Variants in SLC39A11 observed in about 807,000 individuals in gnomAD.
SLC39A11 encodes zinc transporter ZIP11.
A neutral mutation model predicts 36.1 loss-of-function variants in SLC39A11; 33 were observed. That is an observed-to-expected ratio of 0.91 (90% CI 0.69 to 1.22). The LOEUF is 1.22. SLC39A11 is among the 50% of genes most tolerant of loss of function. The probability of loss-of-function intolerance (pLI) is 0.00; values close to 1 mark genes in which losing one functional copy is unlikely to be tolerated. For synonymous variants in SLC39A11, 166 were observed against 170.3 expected, an observed-to-expected ratio of 0.97 and a Z score of 0.20; for missense variants, 432 against 430.3, an observed-to-expected ratio of 1.00 and a Z score of -0.03.
At chr17:72,830,252 T>G (rs1027205190) in intron 6 of SLC39A11, among the ~76,000 whole-genome samples, 2 of 152,150 alleles carry the variant, frequency 1.3e-5, no homozygotes, top group African/African-American at 4.8e-5. Flanking sequence ...CCAATTCTTC[T>G]GTCCACTGAT....
chr17:72,856,587 T>TA (rs1308477016), intron 5 of SLC39A11, among the ~76,000 whole-genome samples: 6 of 152,020 alleles, frequency 3.9e-5, no homozygotes, highest in East Asian at 3.8e-4. Flanking sequence ...TATAGGGCTT[T>TA]AAAAAAAAGT....
At chr17:72,954,364 G>A (rs2086093499) in intron 4 of SLC39A11, among the ~76,000 whole-genome samples, 3 of 152,226 alleles carry the variant, frequency 2.0e-5, no homozygotes, top group African/African-American at 7.2e-5. Flanking sequence ...CCAAGGTCAG[G>A]GGACTAATTG....
At chr17:73,083,058 A>G (rs1223654535) in intron 3 of SLC39A11, among the ~76,000 whole-genome samples, 2 of 149,414 alleles carry the variant, frequency 1.3e-5, no homozygotes, top group South Asian at 2.1e-4. Context: ...CAGTGATTAG[A>G]GACAAGGCCC....
chr17:73,028,388 T>C (rs996958965), intron 4 of SLC39A11, among the ~76,000 whole-genome samples: 16 of 152,196 alleles, frequency 1.1e-4, no homozygotes, highest in Admixed American at 5.2e-4. Flanking sequence ...TTTTCAGGTC[T>C]GGTGAGCAAA....
At chr17:72,961,654 C>G (rs563193898) in intron 4 of SLC39A11, among the ~76,000 whole-genome samples, 40 of 152,000 alleles carry the variant, frequency 2.6e-4, no homozygotes, top group Middle Eastern at 3.4e-3. Flanking sequence ...AACCAAACAC[C>G]GCATGTTCTC....
chr17:72,830,638 C>T (rs1352566526), intron 6 of SLC39A11, among the ~76,000 whole-genome samples: 1 of 152,106 alleles, frequency 6.6e-6, no homozygotes, highest in African/African-American at 2.4e-5. Context: ...TACCAGGAGG[C>T]AAAACCCAGT....
intron 7 of SLC39A11, among the ~76,000 whole-genome samples, chr17:72,690,513 T>C (rs1324503082): frequency 1.3e-5 from 2 of 152,214 alleles, no homozygotes; most frequent in Non-Finnish European, 2.9e-5. Context: ...TACACACATG[T>C]GCATGGCAGC....
intron 5 of SLC39A11, among the ~76,000 whole-genome samples, chr17:72,850,581 T>C (rs887957262): frequency 7.2e-5 from 11 of 152,098 alleles, no homozygotes; most frequent in African/African-American, 2.4e-4. Flanking sequence ...CAATGTTGAG[T>C]CATGATTAGA....
intron 7 of SLC39A11, among the ~76,000 whole-genome samples, chr17:72,721,582 A>T (rs1248387127): frequency 6.6e-6 from 1 of 152,130 alleles, no homozygotes; most frequent in Non-Finnish European, 1.5e-5. Flanking sequence ...CATAACACTC[A>T]TCATTACTGT....
At chr17:72,934,698 T>C (rs2084637037) in intron 5 of SLC39A11, among the ~76,000 whole-genome samples, 1 of 151,948 alleles carries the variant, frequency 6.6e-6, no homozygotes, top group Admixed American at 6.6e-5. Flanking sequence ...TCTACCATAA[T>C]TAAACAAATG....
intron 4 of SLC39A11, among the ~76,000 whole-genome samples, chr17:72,974,336 G>A (rs913460389): frequency 4.0e-5 from 6 of 150,990 alleles, no homozygotes; most frequent in African/African-American, 1.5e-4. Context: ...TTGACCTCAG[G>A]TGATCCACCC....
rs71945815 is a variant in SLC39A11, at chr17:72,861,740, TTATATATATATATATATATATATATA to T, written c.431-11962_431-11937del. On this transcript the variant is annotated intron_variant, in intron 5 of 9. Coordinates refer to ENST00000255559, the MANE Select transcript of SLC39A11 (RefSeq NM_139177.4). ...GATATATATATACACACATTGGAGA[TTATATATATATATATATATATATATA>T]TATATATATATATATATCCAATGCT... 5.7e-3 allele frequency among the ~76,000 whole-genome samples: 383 copies of T among 67,336 alleles called. 12 individuals carry two copies. Among genetic ancestry groups the T allele is most frequent in the African/African-American group, 0.019 (371 of 20,040 alleles). The allele number at this position is 67,336 out of a possible 152,430, so 44.2% of individuals were successfully genotyped here.
At chr17:72,668,251 AG>A (rs2070845199) in intron 7 of SLC39A11, among the ~76,000 whole-genome samples, 1 of 152,054 alleles carries the variant, frequency 6.6e-6, no homozygotes, top group Admixed American at 6.6e-5. Context: ...ACTGGCTTCT[AG>A]CACATACCTG....
At chr17:72,944,156 T>C (rs893212083) in intron 5 of SLC39A11, among the ~76,000 whole-genome samples, 3 of 152,188 alleles carry the variant, frequency 2.0e-5, no homozygotes, top group Non-Finnish European at 4.4e-5. Flanking sequence ...GATTTGGGCA[T>C]TCCCTCCTGT....
intron 6 of SLC39A11, among the ~76,000 whole-genome samples, chr17:72,751,778 T>C (rs186679128): frequency 2.2e-4 from 34 of 152,304 alleles, no homozygotes; most frequent in Admixed American, 2.0e-3. Flanking sequence ...GGTTTTGTTA[T>C]GTCAGCCAGG....
At chr17:72,939,726 G>A (rs919373729) in intron 5 of SLC39A11, among the ~76,000 whole-genome samples, 3 of 152,168 alleles carry the variant, frequency 2.0e-5, no homozygotes, top group Non-Finnish European at 2.9e-5. Context: ...TAGAATTTTC[G>A]AGAGAGTGTG....
chr17:72,859,564 T>C (rs1050417402), intron 5 of SLC39A11, among the ~76,000 whole-genome samples: 1 of 151,734 alleles, frequency 6.6e-6, no homozygotes. Context: ...ACAGACCCAA[T>C]TTAGGGACCA....
At chr17:72,882,448 T>C (rs2081243030) in intron 5 of SLC39A11, among the ~76,000 whole-genome samples, 1 of 151,138 alleles carries the variant, frequency 6.6e-6, no homozygotes, top group Non-Finnish European at 1.5e-5. Context: ...AGAAGAGAAA[T>C]GCTCAGAAAA....
intron 5 of SLC39A11, among the ~76,000 whole-genome samples, chr17:72,861,657 TTATATATATA>T (rs373265286): frequency 0.011 from 579 of 50,960 alleles, 17 homozygotes; most frequent in South Asian, 0.031. Context: ...ATACAACACA[TTATATATATA>T]TATATATATA....
Sources: allele counts gnomAD v4.1 joint callset (sites outside exome capture counted in the v4.1 genomes callset), GRCh38; gene constraint gnomAD v4.1.1; transcripts MANE v1.5; gene names NCBI Gene and HGNC (gene_info 2026-07-23, HGNC 2026-07-21).